Variants in OPCML observed in about 807,000 individuals in gnomAD.
OPCML encodes the protein opioid-binding protein/cell adhesion molecule.
OPCML carries 13 observed loss-of-function variants against 37.8 expected under a neutral mutation model. That is an observed-to-expected ratio of 0.34 (90% confidence interval 0.22 to 0.55). OPCML has a LOEUF of 0.55. Ranked by LOEUF, OPCML falls within the 20% of genes least tolerant of loss-of-function variation. OPCML has a pLI of 0.91. For synonymous variants in OPCML, 176 were observed against 168.8 expected (o/e 1.04, Z -0.33); for missense variants, 341 against 435.6 (o/e 0.78, Z 1.93).
chr11:132,983,682 C>G (rs1946634688), intron 1 of OPCML, among the ~76,000 whole-genome samples: 1 of 152,206 alleles, frequency 6.6e-6, no homozygotes, highest in South Asian at 2.1e-4. Context: ...TGCTTCTTCC[C>G]TGTCTCCCAT....
At chr11:132,675,155 A>ATGTGTGTGTGTG (rs35219821) in intron 2 of OPCML, among the ~76,000 whole-genome samples, 3 of 144,038 alleles carry the variant, frequency 2.1e-5, no homozygotes, top group South Asian at 4.4e-4. Flanking sequence ...ATATATATGT[A>ATGTGTGTGTGTG]TGTGTGTGTG....
rs2096477955 is a variant in OPCML, at chr11:132,588,516, C to T, written c.380-59330G>A. ...AAGACCATTCCAAAACTTTGAACAG[C>T]TGTTCCTAGATGACTGCAATTCCTC... On this transcript the variant is annotated intron_variant, in intron 3 of 7. Transcript: ENST00000524381. Among the ~76,000 whole-genome samples the T allele has an allele frequency of 2.6e-5, 4 of 152,180 alleles. No homozygotes were observed. In the South Asian group the frequency reaches 8.3e-4, roughly 32 times the overall value.
intron 1 of OPCML, among the ~76,000 whole-genome samples, chr11:133,048,292 G>C (rs1948061353): frequency 6.6e-6 from 1 of 152,124 alleles, no homozygotes; most frequent in African/African-American, 2.4e-5. Flanking sequence ...ACACAGGCGT[G>C]CATTAACTCA....
At chr11:132,913,494 C>T (rs1158371543) in intron 2 of OPCML, among the ~76,000 whole-genome samples, 1 of 152,206 alleles carries the variant, frequency 6.6e-6, no homozygotes. Flanking sequence ...ATTCACTTCA[C>T]ATTCCCCCTT....
intron 1 of OPCML, among the ~76,000 whole-genome samples, chr11:133,184,430 G>A (rs949780383): frequency 8.5e-5 from 13 of 152,130 alleles, no homozygotes; most frequent in African/African-American, 3.1e-4. Flanking sequence ...GGTACCGCTG[G>A]CATGGGATGG....
intron 5 of OPCML, 79 bp from the exon 6 acceptor site, chr11:132,436,858 G>A (rs1252796253): frequency 6.5e-7 from 1 of 1,549,862 alleles, no homozygotes; most frequent in East Asian, 2.3e-5. Flanking sequence ...GAGATGAAGG[G>A]CACATCCAGC....
intron 1 of OPCML, among the ~76,000 whole-genome samples, chr11:132,953,113 A>C (rs771167807): frequency 6.6e-6 from 1 of 152,106 alleles, no homozygotes; most frequent in Non-Finnish European, 1.5e-5. Flanking sequence ...TTTTCCTTCC[A>C]AGTTTCTGTG....
At chr11:133,088,235 T>C (rs951778135) in intron 1 of OPCML, among the ~76,000 whole-genome samples, 2 of 67,418 alleles carry the variant, frequency 3.0e-5, no homozygotes, top group Admixed American at 1.4e-4. Flanking sequence ...TGCTAAGTAC[T>C]GAGACAGAAA....
At chr11:132,987,330 G>A (rs896913381) in intron 1 of OPCML, among the ~76,000 whole-genome samples, 7 of 152,166 alleles carry the variant, frequency 4.6e-5, no homozygotes, top group African/African-American at 1.4e-4. Context: ...ATGGAGCCTA[G>A]GGGAGAAGCT....
intron 1 of OPCML, among the ~76,000 whole-genome samples, chr11:133,230,362 C>T (rs774277613): frequency 4.0e-5 from 6 of 151,854 alleles, no homozygotes; most frequent in Non-Finnish European, 8.8e-5. Flanking sequence ...AAGGCATTCA[C>T]CCTCCCACTC....
At chr11:132,751,365 G>A (rs1945826808) in intron 2 of OPCML, among the ~76,000 whole-genome samples, 1 of 152,124 alleles carries the variant, frequency 6.6e-6, no homozygotes, top group Non-Finnish European at 1.5e-5. Flanking sequence ...TCCATCTACA[G>A]CAGGGTGCTG....
chr11:133,327,204 GGGGTATGT>G (rs1943494694), intron 1 of OPCML, among the ~76,000 whole-genome samples: 1 of 150,626 alleles, frequency 6.6e-6, no homozygotes, highest in African/African-American at 2.4e-5. Flanking sequence ...TGTGTATGAG[GGGGTATGT>G]GGGTATGTGT....
intron 2 of OPCML, among the ~76,000 whole-genome samples, chr11:132,708,524 A>T (rs1944129337): frequency 6.6e-6 from 1 of 152,224 alleles, no homozygotes; most frequent in Non-Finnish European, 1.5e-5. Flanking sequence ...GCTATAATCA[A>T]AGGGCTTCTA....
intron 1 of OPCML, among the ~76,000 whole-genome samples, chr11:133,468,346 G>T (rs11828375): frequency 6.6e-6 from 1 of 152,062 alleles, no homozygotes; most frequent in East Asian, 1.9e-4. Flanking sequence ...GACAGGCAGC[G>T]GAGACAGATG....
chr11:133,263,430 G>C (rs901616850), intron 1 of OPCML, among the ~76,000 whole-genome samples: 2 of 152,136 alleles, frequency 1.3e-5, no homozygotes, highest in Non-Finnish European at 2.9e-5. Context: ...CTGTACAGGG[G>C]TATAACCTAG....
intron 4 of OPCML, among the ~76,000 whole-genome samples, chr11:132,457,970 C>A (rs545929594): frequency 6.6e-6 from 1 of 152,230 alleles, no homozygotes; most frequent in South Asian, 2.1e-4. Context: ...GAGAGGAGAG[C>A]CAGTCAACAA....
At chr11:133,118,492 G>A in intron 1 of OPCML, 1 of 847,980 alleles carries the variant, frequency 1.2e-6, no homozygotes, top group Non-Finnish European at 1.4e-6. Context: ...ATTTGGTCAA[G>A]GAGACAGGAT....
intron 2 of OPCML, among the ~76,000 whole-genome samples, chr11:132,900,211 G>A (rs1024384490): frequency 2.0e-5 from 3 of 152,066 alleles, no homozygotes; most frequent in Non-Finnish European, 4.4e-5. Context: ...GCTCATAATG[G>A]GGTCTTATTT....
At chr11:133,272,743 C>T (rs571895252) in intron 1 of OPCML, among the ~76,000 whole-genome samples, 1 of 152,300 alleles carries the variant, frequency 6.6e-6, no homozygotes, top group African/African-American at 2.4e-5. Flanking sequence ...AAATACATAT[C>T]AATTTGTTCC....
Sources: gnomAD v4.1 joint callset for allele counts (sites outside exome capture counted in the v4.1 genomes callset) on GRCh38, gnomAD v4.1.1 for gene constraint, MANE v1.5 for transcripts, NCBI Gene and HGNC (gene_info 2026-07-23, HGNC 2026-07-21) for gene names.